The following ATL2 variants were observed in gnomAD, a reference collection of about 807,000 sequenced individuals.
ATL2 encodes the protein atlastin GTPase 2.
ATL2 carries 31 observed loss-of-function variants against 73.9 expected under a neutral mutation model. The ratio of observed to expected loss-of-function variants is 0.42; its 90% CI spans 0.32 to 0.57. The LOEUF (loss-of-function observed/expected upper bound fraction) is 0.57, where lower values mean the gene tolerates loss of function less well. ATL2 is among the 20% of genes least tolerant of loss of function. The pLI, the probability that ATL2 is intolerant of heterozygous loss-of-function variation, is 0.14. For synonymous variants in ATL2, 291 were observed against 237.5 expected, an observed-to-expected ratio of 1.23 and a Z score of -2.07; for missense variants, 738 against 702.6, an observed-to-expected ratio of 1.05 and a Z score of -0.57.
chr2:38,314,582 T>C, intron 6 of ATL2, 26 bp downstream of exon 6: 1 of 1,556,228 alleles, frequency 6.4e-7, no homozygotes, highest in Non-Finnish European at 8.9e-7. Flanking sequence ...AGGCTAATCT[T>C]TAAAATGTTA....
intron 7 of ATL2, 112 bp from the exon 8 acceptor site, chr2:38,310,559 C>CCTT: frequency 1.2e-6 from 1 of 808,532 alleles, no homozygotes; most frequent in Non-Finnish European, 1.8e-6. Context: ...AGATGGTACT[C>CCTT]CTAAGGAGTC....
intron 2 of ATL2, among the ~76,000 whole-genome samples, chr2:38,325,407 T>C (rs910121922): frequency 1.3e-5 from 2 of 152,160 alleles, no homozygotes; most frequent in South Asian, 2.1e-4. Context: ...TTTCAATGAA[T>C]TGTCAGAAGC....
At chr2:38,370,848 G>A (rs2124498927) in intron 1 of ATL2, among the ~76,000 whole-genome samples, 1 of 151,672 alleles carries the variant, frequency 6.6e-6, no homozygotes, top group African/African-American at 2.4e-5. Flanking sequence ...TAGCTACATA[G>A]TAAGCTGAAA....
chr2:38,314,464 T>C (rs1667921488), intron 6 of ATL2, 144 bp downstream of exon 6: 1 of 577,498 alleles, frequency 1.7e-6, no homozygotes, highest in Non-Finnish European at 3.1e-6. Flanking sequence ...CTGATGATAC[T>C]ACCAAAGGTT....
At chr2:38,325,690 A>ACCAG (rs1668589063) in intron 2 of ATL2, among the ~76,000 whole-genome samples, 2 of 59,640 alleles carry the variant, frequency 3.4e-5, no homozygotes, top group East Asian at 5.0e-4. Flanking sequence ...ACACACACAC[A>ACCAG]CACACCAGTA....
chr2:38,348,007 TC>T (rs1366813226), intron 1 of ATL2, among the ~76,000 whole-genome samples: 2 of 151,670 alleles, frequency 1.3e-5, no homozygotes, highest in Admixed American at 6.6e-5. Flanking sequence ...CCTCAGGTGA[TC>T]CACCCATCTC....
At chr2:38,304,839 C>A (rs1667365504) in intron 9 of ATL2, among the ~76,000 whole-genome samples, 1 of 151,826 alleles carries the variant, frequency 6.6e-6, no homozygotes, top group Non-Finnish European at 1.5e-5. Flanking sequence ...AGAAAATCAC[C>A]TTCACTAAAA....
chr2:38,347,710 T>C (rs533313246), intron 1 of ATL2, among the ~76,000 whole-genome samples: 13 of 152,118 alleles, frequency 8.5e-5, no homozygotes, highest in East Asian at 3.9e-4. Flanking sequence ...CTTGTAAATA[T>C]TTCCTGAATG....
At chr2:38,323,058 G>C (rs2148444588) in intron 2 of ATL2, among the ~76,000 whole-genome samples, 1 of 152,086 alleles carries the variant, frequency 6.6e-6, no homozygotes. Flanking sequence ...ATTTTTCTAG[G>C]GATACAGCAG....
intron 1 of ATL2, among the ~76,000 whole-genome samples, chr2:38,353,245 C>T (rs549183385): frequency 2.0e-5 from 3 of 151,830 alleles, no homozygotes; most frequent in Admixed American, 1.3e-4. Flanking sequence ...GAGTCTCAGC[C>T]AAAAAACTAT....
At chr2:38,366,516 CCTAT>C (rs770634424) in intron 1 of ATL2, among the ~76,000 whole-genome samples, 27 of 152,244 alleles carry the variant, frequency 1.8e-4, no homozygotes, top group Admixed American at 2.0e-4. Context: ...CAAAATACTG[CCTAT>C]CTTTTTTATC....
chr2:38,370,278 G>A (rs1671602052), intron 1 of ATL2, among the ~76,000 whole-genome samples: 1 of 142,108 alleles, frequency 7.0e-6, no homozygotes, highest in South Asian at 2.3e-4. Context: ...AGCCTGGTCT[G>A]TCTCTACTAA....
rs115851365 is a variant in ATL2 at position 38,352,589 on chromosome 2, G to C, written c.119-9077C>G. On this transcript the variant is annotated intron_variant, in intron 1 of 12. Coordinates refer to ENST00000378954, the MANE Select transcript of ATL2 (RefSeq NM_001135673.4). ...TTGGACAAGGACAACAAGCATCACA[G>C]GTGCAGGGGAACACAACACTATGCA... Among the ~76,000 whole-genome samples, 569 of 152,312 alleles carry C rather than the reference G, an allele frequency of 3.7e-3. 2 individuals carry two copies. Among genetic ancestry groups the C allele is most frequent in the Non-Finnish European group, 5.7e-3 (389 of 68,016 alleles).
intron 9 of ATL2, among the ~76,000 whole-genome samples, chr2:38,306,928 A>C (rs1045505771): frequency 6.6e-6 from 1 of 152,336 alleles, no homozygotes; most frequent in Non-Finnish European, 1.5e-5. Context: ...CAGTGGCTTC[A>C]ATAAATGGTG....
rs1666847700 is a variant in ATL2, at chr2:38,295,569, C to T, written c.*425G>A. ...TAATGTAGTGGCTCAATAAAGGCTT[C>T]ATTGTCTTTCCAATCTGGTTCTTGA... On this transcript the variant is annotated 3_prime_UTR_variant, in exon 13 of 13. Transcript: ENST00000378954. The T allele has an allele frequency of 6.5e-6, 1 of 154,036 alleles. No homozygotes were observed. The highest frequency in any genetic ancestry group is 1.4e-5 in the Non-Finnish European group (1 of 69,358). 9.5% of individuals were successfully genotyped at this position (154,036 alleles called of 1,614,324 possible). A position where few individuals can be genotyped will look rare whatever the true frequency, so the allele number is the denominator to read the frequency against.
chr2:38,363,146 G>A (rs1044470211), intron 1 of ATL2, among the ~76,000 whole-genome samples: 1 of 152,140 alleles, frequency 6.6e-6, no homozygotes, highest in Non-Finnish European at 1.5e-5. Context: ...CTCAGATAAA[G>A]CAATCTGCGA....
At chr2:38,366,575 C>G (rs1286547054) in intron 1 of ATL2, among the ~76,000 whole-genome samples, 2 of 152,058 alleles carry the variant, frequency 1.3e-5, no homozygotes, top group African/African-American at 2.4e-5. Context: ...TAAGATCTAC[C>G]CATTCTTCAA....
In ATL2 at chr2:38,314,481, G is replaced by A. The variant is rs546436896; in HGVS notation, c.711+127C>T. 3.1e-5 allele frequency: 19 copies of A among 610,738 alleles called. No homozygotes were observed. The East Asian group carries it at 4.6e-4, about 15-fold the overall frequency. The allele number at this position is 610,738 out of a possible 1,614,324, so 37.8% of individuals were successfully genotyped here. ...GATGATACTACCAAAGGTTAGTTTC[G>A]ATTGCACTGAATCTGTTGCTAGCAA... On this transcript the variant is annotated intron_variant, in intron 6 of 12. Transcript: ENST00000378954.
At chr2:38,369,746 A>G (rs944521998) in intron 1 of ATL2, among the ~76,000 whole-genome samples, 13 of 152,156 alleles carry the variant, frequency 8.5e-5, no homozygotes. Context: ...TAAAAATTAA[A>G]GTGCTGATAA....
Sources: allele counts gnomAD v4.1 joint callset (sites outside exome capture counted in the v4.1 genomes callset), GRCh38; gene constraint gnomAD v4.1.1; transcripts MANE v1.5; gene names NCBI Gene and HGNC (gene_info 2026-07-23, HGNC 2026-07-21).